The following MOSMO variants were observed in gnomAD, a reference collection of about 807,000 sequenced individuals.
MOSMO encodes modulator of smoothened, also known as modulator of smoothened protein.
Under a neutral mutation model 18.4 loss-of-function variants are expected in MOSMO, and 5 were observed. The observed-to-expected ratio is 0.27, with a 90% CI of 0.14 to 0.57. The LOEUF is 0.57. Among genes scored for constraint, MOSMO ranks in the 20% least tolerant of loss-of-function variants. MOSMO has a pLI of 0.92. For missense variants in MOSMO, 138 were observed against 211.8 expected (o/e 0.65, Z 2.16); for synonymous variants, 82 against 82.3 (o/e 1.00, Z 0.02).
At chr16:22,076,581 T>G (rs1900973728) in intron 2 of MOSMO, among the ~76,000 whole-genome samples, 1 of 152,196 alleles carries the variant, frequency 6.6e-6, no homozygotes, top group Non-Finnish European at 1.5e-5. Flanking sequence ...ACAATACCTA[T>G]GCAAATGAGA....
chr16:22,018,541 A>G (rs535889023), intron 1 of MOSMO, among the ~76,000 whole-genome samples: 183 of 152,340 alleles, frequency 1.2e-3, no homozygotes, highest in African/African-American at 4.3e-3. Context: ...AAATCTTCCC[A>G]TAGATATTCC....
chr16:22,033,507 C>T (rs1900039713), intron 1 of MOSMO, among the ~76,000 whole-genome samples: 1 of 151,840 alleles, frequency 6.6e-6, no homozygotes, highest in Non-Finnish European at 1.5e-5. Flanking sequence ...CCTGCCTCAG[C>T]CTCCTGAGTA....
chr16:22,049,837 T>G (rs1427125669), intron 1 of MOSMO, among the ~76,000 whole-genome samples: 2 of 152,318 alleles, frequency 1.3e-5, no homozygotes, highest in East Asian at 3.9e-4. Context: ...CCTAAAACAG[T>G]TTACTGAATA....
rs1901088927 is a variant in MOSMO at position 22,081,759 on chromosome 16, ATT to A, written c.*881_*882del. Reference sequence around the variant, plus strand: ...CTAGAACCCAATAGAAAAAAAAGCCATTTATCTGAAGGCTGCATAGTGGAGAG... The same window carrying A: ...CTAGAACCCAATAGAAAAAAAAGCCATATCTGAAGGCTGCATAGTGGAGAG... On this transcript the variant is annotated 3_prime_UTR_variant, in exon 3 of 3. Transcript: ENST00000542527. 6.6e-6 allele frequency: 1 copy of A among 151,916 alleles called. No homozygotes were observed. The highest frequency in any genetic ancestry group is 1.5e-5 in the Non-Finnish European group (1 of 67,986). The allele number at this position is 151,916 out of a possible 1,614,324, so 9.4% of individuals were successfully genotyped here.
downstream of MOSMO, among the ~76,000 whole-genome samples, chr16:22,091,377 C>G (rs1324901427): frequency 6.6e-6 from 1 of 152,136 alleles, no homozygotes; most frequent in East Asian, 1.9e-4. Flanking sequence ...ATGACTACCA[C>G]AAGTGGCATA....
At chr16:22,041,803 T>C (rs1900215516) in intron 1 of MOSMO, among the ~76,000 whole-genome samples, 1 of 152,040 alleles carries the variant, frequency 6.6e-6, no homozygotes, top group African/African-American at 2.4e-5. Flanking sequence ...TATTCCTTAG[T>C]AGCTGGGACT....
intron 1 of MOSMO, among the ~76,000 whole-genome samples, chr16:22,042,510 T>C (rs1246057091): frequency 6.6e-6 from 1 of 152,214 alleles, no homozygotes; most frequent in Non-Finnish European, 1.5e-5. Flanking sequence ...CTTCCTTTGA[T>C]TTGCTAGAAC....
At chr16:22,045,539 T>A (rs1457977937) in intron 1 of MOSMO, among the ~76,000 whole-genome samples, 1 of 152,218 alleles carries the variant, frequency 6.6e-6, no homozygotes, top group East Asian at 1.9e-4. Flanking sequence ...AAAGATTTCC[T>A]ACGCTAAAAG....
intron 1 of MOSMO, among the ~76,000 whole-genome samples, chr16:22,011,257 C>A (rs138497640): frequency 6.6e-6 from 1 of 152,160 alleles, no homozygotes; most frequent in African/African-American, 2.4e-5. Context: ...GTGAATTTTC[C>A]AAGTGTTCTT....
intron 1 of MOSMO, among the ~76,000 whole-genome samples, chr16:22,057,871 C>T (rs1900567155): frequency 6.6e-6 from 1 of 152,054 alleles, no homozygotes; most frequent in East Asian, 1.9e-4. Flanking sequence ...GGGAATAGTT[C>T]TGCCAGCAAA....
intron 1 of MOSMO, among the ~76,000 whole-genome samples, chr16:22,033,472 C>T (rs1249899106): frequency 6.6e-6 from 1 of 151,806 alleles, no homozygotes; most frequent in Non-Finnish European, 1.5e-5. Context: ...ACTGCAACCT[C>T]GGCCTCCTGG....
At chr16:22,034,787 T>A (rs994978371) in intron 1 of MOSMO, among the ~76,000 whole-genome samples, 2 of 132,664 alleles carry the variant, frequency 1.5e-5, no homozygotes, top group Admixed American at 7.9e-5. Flanking sequence ...AGACAGGGTC[T>A]CACTCTGTTG....
chr16:22,019,144 C>G (rs2141983398), intron 1 of MOSMO, among the ~76,000 whole-genome samples: 1 of 152,262 alleles, frequency 6.6e-6, no homozygotes, highest in South Asian at 2.1e-4. Context: ...GTGCTTGTAC[C>G]AGAAACCTTC....
chr16:22,028,795 C>G lies in MOSMO; in HGVS notation c.106+20388C>G, dbSNP rs140626695. Reference sequence around the variant, plus strand: ...TCTCCCATGTTTATACTCTACTTAACCTTCCCTCACTCCCATAGGCTTGAT... The same window carrying G: ...TCTCCCATGTTTATACTCTACTTAAGCTTCCCTCACTCCCATAGGCTTGAT... On this transcript the variant is annotated intron_variant, in intron 1 of 2. Coordinates refer to ENST00000542527, the MANE Select transcript of MOSMO (RefSeq NM_001164579.2). 1.2e-3 allele frequency among the ~76,000 whole-genome samples: 179 copies of G among 152,290 alleles called. 2 individuals carry two copies. Among genetic ancestry groups the G allele is most frequent in the African/African-American group, 4.1e-3 (170 of 41,558 alleles).
At chr16:22,036,837 G>A (rs938993845) in intron 1 of MOSMO, among the ~76,000 whole-genome samples, 1 of 152,232 alleles carries the variant, frequency 6.6e-6, no homozygotes, top group African/African-American at 2.4e-5. Context: ...TGTAAGGGCA[G>A]TAGGAGGCTA....
intron 1 of MOSMO, among the ~76,000 whole-genome samples, chr16:22,008,916 G>A (rs963569657): frequency 1.3e-5 from 2 of 151,986 alleles, no homozygotes; most frequent in African/African-American, 2.4e-5. Flanking sequence ...GATCAGGTCC[G>A]ACCCCAGACC....
chr16:22,087,661 T>C (rs755983811), downstream of MOSMO: 2 of 152,196 alleles, frequency 1.3e-5, no homozygotes, highest in Non-Finnish European at 2.9e-5. Flanking sequence ...GACTACCTCA[T>C]CTTCTAAATG....
At chr16:22,074,541 G>GT (rs1427159551) in intron 1 of MOSMO, among the ~76,000 whole-genome samples, 1 of 152,212 alleles carries the variant, frequency 6.6e-6, no homozygotes, top group Non-Finnish European at 1.5e-5. Flanking sequence ...GAAACAAGTA[G>GT]TTTTTATTGA....
intron 1 of MOSMO, among the ~76,000 whole-genome samples, chr16:22,056,178 C>A (rs191544461): frequency 1.3e-4 from 20 of 152,112 alleles, no homozygotes; most frequent in Admixed American, 9.2e-4. Context: ...TAGCTTTGCC[C>A]GGAAGCCCTC....
Sources: allele counts gnomAD v4.1 joint callset (sites outside exome capture counted in the v4.1 genomes callset), GRCh38; gene constraint gnomAD v4.1.1; transcripts MANE v1.5; gene names NCBI Gene and HGNC (gene_info 2026-07-23, HGNC 2026-07-21).